The following TGS1 variants were observed in gnomAD, a reference collection of about 807,000 sequenced individuals.
TGS1 encodes the protein trimethylguanosine synthase 1, also known as trimethylguanosine synthase.
A neutral mutation model predicts 92.2 loss-of-function variants in TGS1; 69 were observed. That is an observed-to-expected ratio of 0.75 (90% CI 0.62 to 0.91). The LOEUF is 0.91. Among genes scored for constraint, TGS1 ranks in the 40% least tolerant of loss-of-function variants. TGS1 has a pLI of 0.00. For synonymous variants in TGS1, 345 were observed against 338.1 expected, an observed-to-expected ratio of 1.02 and a Z score of -0.22; for missense variants, 1,062 against 1,001.2, an observed-to-expected ratio of 1.06 and a Z score of -0.82.
rs1295296614 is a variant in TGS1 at position 55,799,059 on chromosome 8, T to C, written c.1688T>C (p.Leu563Pro). 9.9e-6 allele frequency: 16 copies of C among 1,614,082 alleles called. No homozygotes were observed. The highest frequency in any genetic ancestry group is 4.0e-5 in the African/African-American group (3 of 74,948). The change falls in exon 8 of 13, where the codon CTG becomes CCG. Residue 563 changes from leucine to proline, a missense_variant. Transcript: ENST00000260129. ...TCTGTTAAAAAAGGTGATGACCTACTGGAGACTAATAATCCAGAACCTGAA... is the reference window on the plus strand; with the variant it reads ...TCTGTTAAAAAAGGTGATGACCTACCGGAGACTAATAATCCAGAACCTGAA... ...DMSVKKGDDL[L>P]ETNNPEPEKC...
intron 6 of TGS1, among the ~76,000 whole-genome samples, chr8:55,793,887 G>A (rs1330683861): frequency 6.6e-6 from 1 of 151,634 alleles, no homozygotes; most frequent in Non-Finnish European, 1.5e-5. Flanking sequence ...CAAAGTGCTG[G>A]GATTACAGGC....
intron 1 of TGS1, among the ~76,000 whole-genome samples, chr8:55,775,510 GAGAA>G (rs139216427): frequency 0.015 from 2,263 of 152,236 alleles, 65 homozygotes; most frequent in African/African-American, 0.05. Flanking sequence ...AGCAGAAATG[GAGAA>G]AGAAAGAAAG....
chr8:55,817,774 G>T (rs1280996608), intron 12 of TGS1, among the ~76,000 whole-genome samples: 4 of 152,188 alleles, frequency 2.6e-5, no homozygotes, highest in Non-Finnish European at 1.5e-5. Context: ...TGGGCTTCTG[G>T]TACATGTTGG....
rs1803785348 is a variant in TGS1 at position 55,826,018 on chromosome 8, T to C, written c.*1315T>C. Among the ~76,000 whole-genome samples, 1 of 151,792 alleles carries C rather than the reference T, an allele frequency of 6.6e-6. No homozygotes were observed. The highest frequency in any genetic ancestry group is 1.5e-5 in the Non-Finnish European group (1 of 67,982). On this transcript the variant is annotated 3_prime_UTR_variant, in exon 13 of 13. Coordinates refer to ENST00000260129, the MANE Select transcript of TGS1 (RefSeq NM_024831.8). ...GGCACCTGCCACCACATCCAGCTAATTTTTTATATTTTTAGTAGCTATGGG... is the reference window on the plus strand; with the variant it reads ...GGCACCTGCCACCACATCCAGCTAACTTTTTATATTTTTAGTAGCTATGGG...
chr8:55,789,647 C>A (rs1316622797), intron 4 of TGS1, among the ~76,000 whole-genome samples: 3 of 152,184 alleles, frequency 2.0e-5, no homozygotes, highest in African/African-American at 7.2e-5. Flanking sequence ...ATTCTCGAAT[C>A]AGGCAGCCCC....
chr8:55,788,028 C>T (rs1471593083), intron 4 of TGS1, among the ~76,000 whole-genome samples: 1 of 152,196 alleles, frequency 6.6e-6, no homozygotes, highest in Non-Finnish European at 1.5e-5. Flanking sequence ...ACCCCACTTC[C>T]AACATTAGGG....
intron 12 of TGS1, among the ~76,000 whole-genome samples, chr8:55,820,057 G>A (rs138808102): frequency 1.4e-4 from 21 of 152,224 alleles, no homozygotes; most frequent in Admixed American, 9.2e-4. Context: ...ACATTTCTGC[G>A]TATCATAGAT....
chr8:55,814,674 AATATAT>A (rs1040682059), intron 12 of TGS1, among the ~76,000 whole-genome samples: 2 of 123,352 alleles, frequency 1.6e-5, no homozygotes, highest in African/African-American at 3.6e-5. Flanking sequence ...AAAAAAAAAA[AATATAT>A]ATATATATAT....
rs534616785 is a variant in TGS1, at chr8:55,817,066, C to T, written c.2439+3948C>T. 5.3e-5 allele frequency among the ~76,000 whole-genome samples: 8 copies of T among 152,102 alleles called. No individual in the cohort carries two copies. The East Asian group carries it at 5.8e-4, about 11-fold the overall frequency. On this transcript the variant is annotated intron_variant, in intron 12 of 12. Coordinates refer to ENST00000260129, the MANE Select transcript of TGS1 (RefSeq NM_024831.8). ...TTTTAGTAGAGACAGGGTTTCACCA[C>T]GTTGGCCAGGATGGTCTCGATCTCT...
intron 4 of TGS1, among the ~76,000 whole-genome samples, chr8:55,788,245 CTT>C (rs1811775325): frequency 1.3e-5 from 2 of 151,936 alleles, no homozygotes; most frequent in Admixed American, 1.3e-4. Flanking sequence ...CAGCCTTACT[CTT>C]TTGTGAAACA....
intron 1 of TGS1, among the ~76,000 whole-genome samples, chr8:55,777,129 T>A (rs755979032): frequency 6.6e-6 from 1 of 152,008 alleles, no homozygotes; most frequent in Non-Finnish European, 1.5e-5. Context: ...TACCTTAGCC[T>A]CCTGAATAGC....
chr8:55,811,019 TCC>T lies in TGS1; in HGVS notation c.2283_2284del (p.Leu762GlnfsTer16). 6.2e-7 allele frequency: 1 copy of T among 1,614,142 alleles called. No homozygotes were observed. Among genetic ancestry groups the T allele is most frequent in the Non-Finnish European group, 8.5e-7 (1 of 1,179,958 alleles). On this transcript the variant is annotated frameshift_variant, in exon 11 of 13. Transcript: ENST00000260129. LOFTEE classifies it high-confidence loss of function. ...TCTTTTTTAAAGGCTGATGTTGTGT[TCC>T]TCAGCCCACCTTGGGGAGGGCCAGA...
In TGS1 at chr8:55,773,757, G is replaced by A. The variant is rs757718045; in HGVS notation, c.101+38G>A. ...GAGAATCTCTTCATGTTCTAGCACA[G>A]TCATTACCCAGAAATGTAGGTATTG... On this transcript the variant is annotated intron_variant, in intron 1 of 12. Coordinates refer to ENST00000260129, the MANE Select transcript of TGS1 (RefSeq NM_024831.8). 8 of 1,519,558 alleles carry A rather than the reference G, an allele frequency of 5.3e-6. No homozygotes were observed. The South Asian group carries it at 8.1e-5, about 15-fold the overall frequency. 94.1% of individuals were successfully genotyped at this position (1,519,558 alleles called of 1,614,324 possible).
intron 1 of TGS1, among the ~76,000 whole-genome samples, chr8:55,779,911 G>C (rs1478247156): frequency 7.4e-6 from 1 of 135,874 alleles, no homozygotes; most frequent in Non-Finnish European, 1.5e-5. Flanking sequence ...GTCTTGCTCT[G>C]TCGCCCAGGC....
intron 11 of TGS1, 28 bp downstream of exon 11, chr8:55,811,125 C>G: frequency 7.7e-7 from 1 of 1,291,486 alleles, no homozygotes; most frequent in Non-Finnish European, 1.0e-6. Flanking sequence ...TAAGAGTTTA[C>G]TGAAACAATG....
intron 1 of TGS1, among the ~76,000 whole-genome samples, chr8:55,774,484 C>G (rs1811324232): frequency 6.6e-6 from 1 of 152,050 alleles, no homozygotes; most frequent in Non-Finnish European, 1.5e-5. Flanking sequence ...ATTCATTTTT[C>G]TCGTGTAATT....
At chr8:55,821,281 A>C (rs948289804) in intron 12 of TGS1, among the ~76,000 whole-genome samples, 2 of 152,242 alleles carry the variant, frequency 1.3e-5, no homozygotes, top group African/African-American at 4.8e-5. Flanking sequence ...TCTCCCAGCC[A>C]GAATGTAAAA....
At chr8:55,821,765 C>T (rs1273933455) in intron 12 of TGS1, among the ~76,000 whole-genome samples, 4 of 151,690 alleles carry the variant, frequency 2.6e-5, no homozygotes, top group South Asian at 4.2e-4. Flanking sequence ...CCCAGCTACT[C>T]GGGAGGCTGA....
intron 12 of TGS1, among the ~76,000 whole-genome samples, chr8:55,822,710 G>C (rs1220636075): frequency 7.0e-6 from 1 of 142,952 alleles, no homozygotes; most frequent in Non-Finnish European, 1.5e-5. Flanking sequence ...AAAAAATAGT[G>C]GGGGGGGTGC....
Sources: allele counts gnomAD v4.1 joint callset (sites outside exome capture counted in the v4.1 genomes callset), GRCh38; gene constraint gnomAD v4.1.1; transcripts MANE v1.5; gene names NCBI Gene and HGNC (gene_info 2026-07-23, HGNC 2026-07-21).